A4GALT: variants seen among roughly 807,000 people sequenced by gnomAD.
A4GALT encodes the protein alpha 1,4-galactosyltransferase (P1PK blood group), also known as lactosylceramide 4-alpha-galactosyltransferase.
For missense variants in A4GALT, 512 were observed against 486.0 expected (o/e 1.05, Z -0.50); for synonymous variants, 257 against 220.7 (o/e 1.16, Z -1.46).
At chr22:42,698,516 A>G (rs1231514178) in intron 1 of A4GALT, among the ~76,000 whole-genome samples, 1 of 152,226 alleles carries the variant, frequency 6.6e-6, no homozygotes. Flanking sequence ...GCACTGGCCA[A>G]CCATGACCCA....
At chr22:42,710,190 A>G (rs944626374) in intron 1 of A4GALT, among the ~76,000 whole-genome samples, 36 of 152,294 alleles carry the variant, frequency 2.4e-4, no homozygotes, top group African/African-American at 8.2e-4. Flanking sequence ...AACGCAATAG[A>G]AATAGTTAAA....
rs771082385 is a variant in A4GALT, at chr22:42,692,934, G to A, written c.1018C>T (p.Arg340Cys). 14 of 1,609,630 alleles carry A rather than the reference G, an allele frequency of 8.7e-6. No individual in the cohort carries two copies. The highest frequency in any genetic ancestry group is 5.3e-5 in the African/African-American group (4 of 74,922). ...GCCTCGTGCGTCGTGGGGCAGTAGC[G>A]GGCATGCAGCTGGGCCAGCAGTGCC... is the stretch of plus-strand genomic sequence containing the variant. ...SRALLAQLHA[R>C]YCPTTHEAMK... The change falls in exon 3 of 3, where the codon CGC becomes TGC. Residue 340 changes from arginine to cysteine, a missense_variant. Coordinates refer to ENST00000642412, the MANE Select transcript of A4GALT (RefSeq NM_017436.7). This position sits in a 1 kb window ranked among gnomAD's most constrained non-coding sequence, Gnocchi z 4.6.
chr22:42,714,274 CAAAAAAAAAAAAAAAAAAAAAA>C (rs1163088658), intron 1 of A4GALT, among the ~76,000 whole-genome samples: 7 of 16,152 alleles, frequency 4.3e-4, no homozygotes, highest in Non-Finnish European at 6.3e-4. Flanking sequence ...GACTCTGTCT[CAAAAAAAAAAAAAAAAAAAAAA>C]AAAAAAAAAA....
At position 42,692,929 on chromosome 22, in the gene A4GALT, G is replaced by A; in HGVS notation, c.1023C>T (p.Tyr341=). The A allele has an allele frequency of 6.2e-7, 1 of 1,608,898 alleles. No individual in the cohort carries two copies. The highest frequency in any genetic ancestry group is 8.5e-7 in the Non-Finnish European group (1 of 1,179,932). ...TCATGGCCTCGTGCGTCGTGGGGCA[G>A]TAGCGGGCATGCAGCTGGGCCAGCA... ...RALLAQLHAR[Y]CPTTHEAMKM... is the part of the protein sequence containing the mutation. Residue 341 remains tyrosine (Y), a synonymous_variant, in exon 3 of 3, where the codon TAC becomes TAT. Coordinates refer to ENST00000642412, the MANE Select transcript of A4GALT (RefSeq NM_017436.7). This position sits in a 1 kb window ranked among gnomAD's most constrained non-coding sequence, Gnocchi z 4.6.
At chr22:42,717,500 C>G (rs1358956762) in intron 1 of A4GALT, among the ~76,000 whole-genome samples, 1 of 152,186 alleles carries the variant, frequency 6.6e-6, no homozygotes, top group African/African-American at 2.4e-5. Context: ...CTCCCTCTTG[C>G]CTCCTGTCCT....
At chr22:42,708,736 C>T (rs1329419403) in intron 1 of A4GALT, among the ~76,000 whole-genome samples, 1 of 152,024 alleles carries the variant, frequency 6.6e-6, no homozygotes, top group African/African-American at 2.4e-5. Context: ...CCCATACAAA[C>T]TAGGAAACGC....
chr22:42,710,567 T>G (rs1352114500), intron 1 of A4GALT, among the ~76,000 whole-genome samples: 2 of 151,946 alleles, frequency 1.3e-5, no homozygotes, highest in African/African-American at 4.8e-5. Context: ...CATGGTGGTA[T>G]GCACCTGTGG....
chr22:42,693,915 G>A lies in A4GALT; in HGVS notation c.37C>T (p.Arg13Trp), dbSNP rs768393716. The A allele has an allele frequency of 4.4e-6, 7 of 1,605,100 alleles. No homozygotes were observed. Among genetic ancestry groups the A allele is most frequent in the South Asian group, 3.3e-5 (3 of 89,560 alleles). Residue 13 changes from arginine to tryptophan, a missense_variant, in exon 3 of 3, where the codon CGG becomes TGG. Arg to Trp is a moderately radical substitution (Grantham distance 101, BLOSUM62 -3). Transcript: ENST00000642412. ...CAGACCCGCTGCCTTGGGGCGCCCC[G>A]GAGCAGCCGCAGCAGGAGGTCGGGG... is the stretch of plus-strand genomic sequence containing the variant. Reference protein sequence around the residue: ...KPPDLLLRLLRGAPRQRVCTL... With the variant: ...KPPDLLLRLLWGAPRQRVCTL...
intron 1 of A4GALT, among the ~76,000 whole-genome samples, chr22:42,716,955 T>C (rs738527): frequency 0.7 from 107,230 of 152,146 alleles, 38,022 homozygotes; most frequent in East Asian, 0.84. Flanking sequence ...CCTGGCTCCC[T>C]GTCTGCCAGC....
intron 1 of A4GALT, among the ~76,000 whole-genome samples, chr22:42,702,501 A>AT (rs1920929153): frequency 6.6e-6 from 1 of 152,006 alleles, no homozygotes; most frequent in Non-Finnish European, 1.5e-5. Flanking sequence ...TGTCTGGCTA[A>AT]TTTTTTTGTA....
At chr22:42,719,494 TCTC>T (rs575847346) in intron 1 of A4GALT, among the ~76,000 whole-genome samples, 7 of 141,224 alleles carry the variant, frequency 5.0e-5, no homozygotes, top group African/African-American at 1.7e-4. Context: ...GGATTCCATC[TCTC>T]CTCTTCCTTT....
At chr22:42,706,918 A>G (rs1181154047) in intron 1 of A4GALT, among the ~76,000 whole-genome samples, 1 of 152,196 alleles carries the variant, frequency 6.6e-6, no homozygotes, top group Non-Finnish European at 1.5e-5. Context: ...AATTAGCCAA[A>G]GAAGGGCAAT....
chr22:42,699,250 AT>A (rs1286473760), intron 1 of A4GALT, among the ~76,000 whole-genome samples: 1 of 151,636 alleles, frequency 6.6e-6, no homozygotes, highest in East Asian at 1.9e-4. Context: ...TGCCCGGCTG[AT>A]TTTTTGTATT....
Position 42,693,186 on chromosome 22 carries a change from G to A in A4GALT, c.766C>T (p.Arg256Trp), listed in dbSNP as rs1166307243. Reference protein sequence around the residue: ...WGHQGPQLLTRVFKKWCSIRS... With the variant: ...WGHQGPQLLTWVFKKWCSIRS... ...ATGGAACACCACTTCTTGAAGACCC[G>A]CGTGAGCAGCTGCGGGCCCTGGTGA... Residue 256 changes from arginine (R) to tryptophan (W), a missense_variant, in exon 3 of 3, where the codon CGG becomes TGG. By Grantham distance (101) the Arg-to-Trp change is moderately radical (BLOSUM62 -3). Coordinates refer to ENST00000642412, the MANE Select transcript of A4GALT (RefSeq NM_017436.7). 2 of 1,598,798 alleles carry A rather than the reference G, an allele frequency of 1.3e-6. No homozygotes were observed. Among genetic ancestry groups the A allele is most frequent in the South Asian group, 1.1e-5 (1 of 89,524 alleles).
At chr22:42,717,911 C>A (rs555249031) in intron 1 of A4GALT, among the ~76,000 whole-genome samples, 21 of 152,232 alleles carry the variant, frequency 1.4e-4, no homozygotes, top group Admixed American at 1.2e-3. Flanking sequence ...CCTGGCTTCT[C>A]GTACTCTGAC....
Position 42,693,139 on chromosome 22 carries a change from G to T in A4GALT, c.813C>A (p.Arg271=), listed in dbSNP as rs1424826727. Residue 271 remains arginine (R), a synonymous_variant, in exon 3 of 3, where the codon CGC becomes CGA. Transcript: ENST00000642412. The part of the protein sequence containing the change: ...WCSIRSLAES[R]ACRGVTTLPP... ...GCAGGGTGGTGACGCCGCGGCAGGC[G>T]CGGCTCTCGGCCAGGCTGCGGATGG... The T allele has an allele frequency of 6.2e-7, 1 of 1,602,704 alleles. No homozygotes were observed. The highest frequency in any genetic ancestry group is 2.3e-5 in the East Asian group (1 of 44,284).
At chr22:42,703,106 C>G (rs999856745) in intron 1 of A4GALT, among the ~76,000 whole-genome samples, 8 of 134,036 alleles carry the variant, frequency 6.0e-5, no homozygotes, top group Non-Finnish European at 7.7e-5. Flanking sequence ...TGCTGCCCCA[C>G]TGTGTGTGTG....
chr22:42,699,376 C>T (rs907152086), intron 1 of A4GALT, among the ~76,000 whole-genome samples: 3 of 152,186 alleles, frequency 2.0e-5, no homozygotes, highest in African/African-American at 7.2e-5. Context: ...TGTGACACTG[C>T]GCCCGGCTCC....
In A4GALT at chr22:42,696,120, T is replaced by TAAAAAAAAAAAAAAAA. The variant is rs1930909108; in HGVS notation, c.-187-490_-187-489insTTTTTTTTTTTTTTTT. ...GTGGGTGACAGAGCCAGACTCTATC[T>TAAAAAAAAAAAAAAAA]CAAAAAAAAAAAAAAAAAAGCCAGG... On this transcript the variant is annotated intron_variant, in intron 1 of 2. Transcript: ENST00000642412. Among the ~76,000 whole-genome samples, 2 of 15,890 alleles carry TAAAAAAAAAAAAAAAA rather than the reference T, an allele frequency of 1.3e-4. 1 individual carries two copies. The highest frequency in any genetic ancestry group is 5.3e-3 in the East Asian group (2 of 374). 10.4% of individuals were successfully genotyped at this position (15,890 alleles called of 152,430 possible). A position where few individuals can be genotyped will look rare whatever the true frequency, so the allele number is the denominator to read the frequency against.
Sources: gnomAD v4.1 joint callset for allele counts (sites outside exome capture counted in the v4.1 genomes callset) on GRCh38, gnomAD v4.1.1 for gene constraint, Gnocchi (gnomAD v3.1) non-coding constraint, MANE v1.5 for transcripts, NCBI Gene and HGNC (gene_info 2026-07-23, HGNC 2026-07-21) for gene names.